Variants in FSHB observed in about 807,000 individuals in gnomAD.
FSHB encodes follicle stimulating hormone subunit beta.
Under a neutral mutation model 12.1 loss-of-function variants are expected in FSHB, and 8 were observed. The observed-to-expected ratio is 0.66, with a 90% CI of 0.39 to 1.19. FSHB has a LOEUF of 1.19. Among genes scored for constraint, FSHB ranks in the 50% most tolerant of loss-of-function variants. FSHB has a pLI of 0.01. For synonymous variants in FSHB, 55 were observed against 54.6 expected, an observed-to-expected ratio of 1.01 and a Z score of -0.04; for missense variants, 153 against 157.2, an observed-to-expected ratio of 0.97 and a Z score of 0.14.
chr11:30,232,155 A>G, intron 2 of FSHB, 94 bp downstream of exon 2: 1 of 1,314,108 alleles, frequency 7.6e-7, no homozygotes, highest in South Asian at 1.2e-5. Context: ...TATGTATTCT[A>G]AGTAACAGCC....
rs763167323 is a variant in FSHB, at chr11:30,232,023, A to T, written c.121A>T (p.Ile41Phe). ...EKEECRFCISINTTWCAGYCY... is the reference protein window; with the variant it reads ...EKEECRFCISFNTTWCAGYCY... ...AGAAGAATGTCGTTTCTGCATAAGCATCAACACCACTTGGTGTGCTGGCTA... is the reference window on the plus strand; with the variant it reads ...AGAAGAATGTCGTTTCTGCATAAGCTTCAACACCACTTGGTGTGCTGGCTA... The change falls in exon 2 of 3, where the codon ATC becomes TTC. Residue 41 changes from isoleucine (I) to phenylalanine (F), a missense_variant. Physicochemically the swap from Ile to Phe is conservative, Grantham distance 21. Transcript: ENST00000533718. 1 of 1,613,882 alleles carries T rather than the reference A, an allele frequency of 6.2e-7. No individual in the cohort carries two copies. Among genetic ancestry groups the T allele is most frequent in the Admixed American group, 1.7e-5 (1 of 59,996 alleles).
At chr11:30,232,754 T>C (rs1227674032) in intron 2 of FSHB, among the ~76,000 whole-genome samples, 2 of 152,210 alleles carry the variant, frequency 1.3e-5, no homozygotes, top group Admixed American at 6.5e-5. Flanking sequence ...TAATTATCTA[T>C]GCAGAATTTC....
chr11:30,232,285 A>T (rs919292455), intron 2 of FSHB, among the ~76,000 whole-genome samples: 4 of 152,236 alleles, frequency 2.6e-5, no homozygotes, highest in Non-Finnish European at 4.4e-5. Flanking sequence ...ATTTAATCTG[A>T]TCAATTTGGT....
chr11:30,231,744 G>A (rs1852009142), intron 1 of FSHB, 122 bp from the exon 2 acceptor site: 2 of 712,862 alleles, frequency 2.8e-6, no homozygotes. Context: ...AAAGATGTAA[G>A]TAAAAAGGCA....
rs1852013479 is a variant in FSHB, at chr11:30,231,974, C to A, written c.72C>A (p.Thr24=). 1 of 1,613,892 alleles carries A rather than the reference C, an allele frequency of 6.2e-7. No individual in the cohort carries two copies. Among genetic ancestry groups the A allele is most frequent in the Non-Finnish European group, 8.5e-7 (1 of 1,179,854 alleles). ...TCTGCTGCAATAGCTGTGAGCTGAC[C>A]AACATCACCATTGCAATAGAGAAAG... ...KAICCNSCEL[T]NITIAIEKEE... Residue 24 remains threonine, a synonymous_variant, in exon 2 of 3, where the codon ACC becomes ACA. Coordinates refer to ENST00000533718, the MANE Select transcript of FSHB (RefSeq NM_001382289.1).
At position 30,231,962 on chromosome 11, in the gene FSHB, C is replaced by T; in HGVS notation, c.60C>T (p.Ser20=). ...GCTGGAAAGCAATCTGCTGCAATAG[C>T]TGTGAGCTGACCAACATCACCATTG... The part of the protein sequence containing the change: ...FCCWKAICCN[S]CELTNITIAI... Residue 20 remains serine, a synonymous_variant, in exon 2 of 3, where the codon AGC becomes AGT. Transcript: ENST00000533718. The T allele has an allele frequency of 6.2e-7, 1 of 1,613,946 alleles. No homozygotes were observed. Among genetic ancestry groups the T allele is most frequent in the Non-Finnish European group, 8.5e-7 (1 of 1,179,856 alleles).
At position 30,233,928 on chromosome 11, in the gene FSHB, T is replaced by C. The variant is rs1387744129; in HGVS notation, c.*128T>C. 5.2e-6 allele frequency: 4 copies of C among 767,240 alleles called. No homozygotes were observed. The highest frequency in any genetic ancestry group is 1.7e-5 in the African/African-American group (1 of 58,168). The allele number at this position is 767,240 out of a possible 1,614,324, so 47.5% of individuals were successfully genotyped here. Reference sequence around the variant, plus strand: ...AGGGGATTCAGACTCTACTGATCCCTGGTCTACTGGCAGAGGGAACTCTGG... The same window carrying C: ...AGGGGATTCAGACTCTACTGATCCCCGGTCTACTGGCAGAGGGAACTCTGG... On this transcript the variant is annotated 3_prime_UTR_variant, in exon 3 of 3. Coordinates refer to ENST00000533718, the MANE Select transcript of FSHB (RefSeq NM_001382289.1).
intron 2 of FSHB, among the ~76,000 whole-genome samples, chr11:30,232,940 A>G (rs1368258333): frequency 1.3e-5 from 2 of 152,202 alleles, no homozygotes; most frequent in African/African-American, 4.8e-5. Flanking sequence ...ACGCAGTATA[A>G]ATAATTTTTC....
At position 30,234,811 on chromosome 11, in the gene FSHB, G is replaced by A. The variant is rs1376595111; in HGVS notation, c.*1011G>A. 4 of 152,166 alleles carry A rather than the reference G, an allele frequency of 2.6e-5. No individual in the cohort carries two copies. Among genetic ancestry groups the A allele is most frequent in the Admixed American group, 2.6e-4 (4 of 15,270 alleles). 9.4% of individuals were successfully genotyped at this position (152,166 alleles called of 1,614,324 possible). A position where few individuals can be genotyped will look rare whatever the true frequency, so the allele number is the denominator to read the frequency against. On this transcript the variant is annotated 3_prime_UTR_variant, in exon 3 of 3. Coordinates refer to ENST00000533718, the MANE Select transcript of FSHB (RefSeq NM_001382289.1). The stretch of plus-strand genomic sequence containing the variant: ...AGAAAGAATTAGCCATGGGGGACGA[G>A]GGGAAACTGCTGTTTTCTAGGATCC...
chr11:30,232,515 T>A (rs1852022527), intron 2 of FSHB, among the ~76,000 whole-genome samples: 1 of 152,188 alleles, frequency 6.6e-6, no homozygotes, highest in African/African-American at 2.4e-5. Context: ...AAAAAAATTG[T>A]CTTCCTGGCC....
In FSHB at chr11:30,233,582, A is replaced by G; in HGVS notation, c.172A>G (p.Lys58Glu). The G allele has an allele frequency of 6.2e-7, 1 of 1,613,674 alleles. No homozygotes were observed. The highest frequency in any genetic ancestry group is 8.5e-7 in the Non-Finnish European group (1 of 1,179,628). ...GYCYTRDLVY[K>E]DPARPKIQKT... ...TTAAACTCCTCAGGATCTGGTGTAT[A>G]AGGACCCAGCCAGGCCCAAAATCCA... Residue 58 changes from lysine to glutamate, a missense_variant, in exon 3 of 3, where the codon AAG becomes GAG. Coordinates refer to ENST00000533718, the MANE Select transcript of FSHB (RefSeq NM_001382289.1).
At chr11:30,233,451 G>C (rs1203920575) in intron 2 of FSHB, 119 bp from the exon 3 acceptor site, 6 of 771,168 alleles carry the variant, frequency 7.8e-6, no homozygotes, top group Non-Finnish European at 1.1e-5. Flanking sequence ...TCATTTATGA[G>C]GTCATGTTTT....
intron 2 of FSHB, among the ~76,000 whole-genome samples, chr11:30,232,473 T>C (rs1292646252): frequency 6.6e-6 from 1 of 152,146 alleles, no homozygotes; most frequent in Non-Finnish European, 1.5e-5. Context: ...AAAATATGTC[T>C]CCAAGTCACA....
rs763739699 is a variant in FSHB, at chr11:30,233,845, C to A, written c.*45C>A. Reference sequence around the variant, plus strand: ...GCCACATACCCTTGTCCTGAAGGACCAAGATATTCAAAAAGTCTGTGTGTG... The same window carrying A: ...GCCACATACCCTTGTCCTGAAGGACAAAGATATTCAAAAAGTCTGTGTGTG... On this transcript the variant is annotated 3_prime_UTR_variant, in exon 3 of 3. Transcript: ENST00000533718. 1.3e-6 allele frequency: 2 copies of A among 1,511,510 alleles called. No homozygotes were observed. The highest frequency in any genetic ancestry group is 2.3e-5 in the East Asian group (1 of 43,988). The allele number at this position is 1,511,510 out of a possible 1,614,324, so 93.6% of individuals were successfully genotyped here. A position where few individuals can be genotyped will look rare whatever the true frequency, so the allele number is the denominator to read the frequency against.
rs1216635483 is a variant in FSHB at position 30,233,776 on chromosome 11, C to T, written c.366C>T (p.Cys122=). The T allele has an allele frequency of 6.2e-7, 1 of 1,613,810 alleles. No individual in the cohort carries two copies. Among genetic ancestry groups the T allele is most frequent in the African/African-American group, 1.3e-5 (1 of 75,044 alleles). The stretch of plus-strand genomic sequence containing the variant: ...TGCGAGGCCTGGGGCCCAGCTACTG[C>T]TCCTTTGGTGAAATGAAAGAATAAA... ...CTVRGLGPSY[C]SFGEMKE Residue 122 remains cysteine, a synonymous_variant, in exon 3 of 3, where the codon TGC becomes TGT. Coordinates refer to ENST00000533718, the MANE Select transcript of FSHB (RefSeq NM_001382289.1).
chr11:30,231,519 C>A (rs1272382535), intron 1 of FSHB, among the ~76,000 whole-genome samples: 2 of 152,030 alleles, frequency 1.3e-5, no homozygotes, highest in Non-Finnish European at 2.9e-5. Flanking sequence ...TTTTATTTTT[C>A]TTTTCAGACA....
chr11:30,231,950 C>T lies in FSHB; in HGVS notation c.48C>T (p.Ile16=). The change falls in exon 2 of 3, where the codon ATC becomes ATT. Residue 16 remains isoleucine (I), a synonymous_variant. Transcript: ENST00000533718. ...TCCTTTTCTGTTGCTGGAAAGCAAT[C>T]TGCTGCAATAGCTGTGAGCTGACCA... The part of the protein sequence containing the change: ...FFFLFCCWKA[I]CCNSCELTNI... The T allele has an allele frequency of 1.9e-6, 3 of 1,613,970 alleles. No homozygotes were observed. The highest frequency in any genetic ancestry group is 2.5e-6 in the Non-Finnish European group (3 of 1,179,892).
chr11:30,233,597 C>T lies in FSHB; in HGVS notation c.187C>T (p.Pro63Ser), dbSNP rs1852036808. The change falls in exon 3 of 3, where the codon CCC becomes TCC. Residue 63 changes from proline (P) to serine (S), a missense_variant. Coordinates refer to ENST00000533718, the MANE Select transcript of FSHB (RefSeq NM_001382289.1). ...RDLVYKDPAR[P>S]KIQKTCTFKE... is the part of the protein sequence containing the mutation. The stretch of plus-strand genomic sequence containing the variant: ...TCTGGTGTATAAGGACCCAGCCAGG[C>T]CCAAAATCCAGAAAACATGTACCTT... 1.2e-6 allele frequency: 2 copies of T among 1,613,792 alleles called. No individual in the cohort carries two copies. Among genetic ancestry groups the T allele is most frequent in the African/African-American group, 1.3e-5 (1 of 74,900 alleles).
At chr11:30,231,761 A>T in intron 1 of FSHB, 105 bp from the exon 2 acceptor site, 1 of 841,806 alleles carries the variant, frequency 1.2e-6, no homozygotes, top group South Asian at 1.5e-5. Context: ...GGCATAAGGA[A>T]GGAAAAAAAA....
Sources: allele counts gnomAD v4.1 joint callset (sites outside exome capture counted in the v4.1 genomes callset), GRCh38; gene constraint gnomAD v4.1.1; transcripts MANE v1.5; gene names NCBI Gene and HGNC (gene_info 2026-07-23, HGNC 2026-07-21).